C15orf61: variants seen among roughly 807,000 people sequenced by gnomAD.
C15orf61 encodes chromosome 15 open reading frame 61.
In C15orf61, 12 loss-of-function variants were observed where a neutral mutation model predicts 13.7. The observed-to-expected ratio is 0.88, with a 90% CI of 0.56 to 1.42. C15orf61 has a LOEUF of 1.42. Ranked by LOEUF, C15orf61 falls within the 40% of genes most tolerant of loss-of-function variation. The probability of loss-of-function intolerance (pLI) is 0.00; values close to 1 mark genes in which losing one functional copy is unlikely to be tolerated. For synonymous variants in C15orf61, 92 were observed against 94.1 expected (o/e 0.98, Z 0.13); for missense variants, 248 against 213.2 (o/e 1.16, Z -1.02).
rs1322774791 is a variant in C15orf61 at position 67,521,582 on chromosome 15, G to A, written c.334G>A (p.Val112Ile). The A allele has an allele frequency of 6.5e-7, 1 of 1,530,852 alleles. No homozygotes were observed. Among genetic ancestry groups the A allele is most frequent in the Non-Finnish European group, 8.8e-7 (1 of 1,133,992 alleles). 94.8% of individuals were successfully genotyped at this position (1,530,852 alleles called of 1,614,324 possible). ...RQNRFFTALK[V>I]VNLGIPTLLY... ...GAACCGCTTCTTCACGGCGCTCAAG[G>A]TCGTCAACCTCGGTGAGTGGCGACT... is the stretch of plus-strand genomic sequence containing the variant. Residue 112 changes from valine (V) to isoleucine (I), a missense_variant, in exon 1 of 2, where the codon GTC becomes ATC. Physicochemically the swap from Val to Ile is conservative, Grantham distance 29. Transcript: ENST00000342683.
rs1292928694 is a variant in C15orf61 at position 67,527,874 on chromosome 15, T to G, written c.*1329T>G. 2.0e-5 allele frequency: 3 copies of G among 152,232 alleles called. No homozygotes were observed. Among genetic ancestry groups the G allele is most frequent in the African/African-American group, 7.2e-5 (3 of 41,456 alleles). 9.4% of individuals were successfully genotyped at this position (152,232 alleles called of 1,614,324 possible). On this transcript the variant is annotated 3_prime_UTR_variant, in exon 2 of 2. Coordinates refer to ENST00000342683, the MANE Select transcript of C15orf61 (RefSeq NM_001143936.2). ...AACACTTTAATCAAAGAAGTACTTA[T>G]GCCAATATATTTAGTCCAGAAGAAT...
intron 1 of C15orf61, among the ~76,000 whole-genome samples, chr15:67,522,583 G>A (rs1379542506): frequency 6.6e-6 from 1 of 152,170 alleles, no homozygotes; most frequent in Non-Finnish European, 1.5e-5. Context: ...TAATTGTTTA[G>A]CAACGTGTTA....
chr15:67,522,355 C>A, intron 1 of C15orf61: 1 of 652,128 alleles, frequency 1.5e-6, no homozygotes, highest in Admixed American at 2.5e-5. Flanking sequence ...TTCAGTGATT[C>A]AAAATCTAGC....
At chr15:67,521,637 C>G in intron 1 of C15orf61, 43 bp downstream of exon 1, 1 of 1,423,184 alleles carries the variant, frequency 7.0e-7, no homozygotes, top group East Asian at 2.5e-5. Flanking sequence ...GCCCGCCCGG[C>G]CGGGACGGCC....
Position 67,521,612 on chromosome 15 carries a change from C to A in C15orf61, c.346+18C>A. 6.7e-7 allele frequency: 1 copy of A among 1,497,282 alleles called. No homozygotes were observed. Among genetic ancestry groups the A allele is most frequent in the Non-Finnish European group, 9.0e-7 (1 of 1,111,274 alleles). 92.7% of individuals were successfully genotyped at this position (1,497,282 alleles called of 1,614,324 possible). On this transcript the variant is annotated intron_variant, in intron 1 of 1. Coordinates refer to ENST00000342683, the MANE Select transcript of C15orf61 (RefSeq NM_001143936.2). ...CAACCTCGGTGAGTGGCGACTGCCG[C>A]GCCCACGCGGTGAAGCCCGCCCGGC...
In C15orf61 at chr15:67,528,130, A is replaced by C. The variant is rs1053467928; in HGVS notation, c.*1585A>C. On this transcript the variant is annotated 3_prime_UTR_variant, in exon 2 of 2. Coordinates refer to ENST00000342683, the MANE Select transcript of C15orf61 (RefSeq NM_001143936.2). ...GCTGTAAAGGTTTGGTCCCAACACA[A>C]GGCTGATAAAATGGTCTTTAATTAC... is the stretch of plus-strand genomic sequence containing the variant. 1.3e-5 allele frequency: 2 copies of C among 152,234 alleles called. No individual in the cohort carries two copies. The highest frequency in any genetic ancestry group is 4.8e-5 in the African/African-American group (2 of 41,460). 9.4% of individuals were successfully genotyped at this position (152,234 alleles called of 1,614,324 possible).
chr15:67,521,477 T>C lies in C15orf61; in HGVS notation c.229T>C (p.Tyr77His). The C allele has an allele frequency of 6.5e-7, 1 of 1,548,498 alleles. No individual in the cohort carries two copies. Among genetic ancestry groups the C allele is most frequent in the Non-Finnish European group, 8.7e-7 (1 of 1,146,712 alleles). The change falls in exon 1 of 2, where the codon TAC (tyrosine) becomes CAC (histidine). Residue 77 changes from tyrosine to histidine, a missense_variant. Physicochemically the swap from Tyr to His is moderately conservative, Grantham distance 83. Coordinates refer to ENST00000342683, the MANE Select transcript of C15orf61 (RefSeq NM_001143936.2). ...CAACTGGCCGGTGCAGGGCGCCAAC[T>C]ACCACGTCCTGCGCACCGGCTGCTT... is the stretch of plus-strand genomic sequence containing the variant. ...HFNWPVQGAN[Y>H]HVLRTGCFPF...
rs945063958 is a variant in C15orf61 at position 67,528,432 on chromosome 15, CTTGTA to C, written c.*1890_*1894del. On this transcript the variant is annotated 3_prime_UTR_variant, in exon 2 of 2. Transcript: ENST00000342683. Reference sequence around the variant, plus strand: ...GTATAACAAGTAAATGTAATATTTTCTTGTATTACATGAAAATCAATAGACCTCTT... The same window carrying C: ...GTATAACAAGTAAATGTAATATTTTCTTACATGAAAATCAATAGACCTCTT... 1 of 152,168 alleles carries C rather than the reference CTTGTA, an allele frequency of 6.6e-6. No individual in the cohort carries two copies. Among genetic ancestry groups the C allele is most frequent in the African/African-American group, 2.4e-5 (1 of 41,426 alleles). 9.4% of individuals were successfully genotyped at this position (152,168 alleles called of 1,614,324 possible). A position where few individuals can be genotyped will look rare whatever the true frequency, so the allele number is the denominator to read the frequency against.
At chr15:67,521,629 C>T (rs780293667) in intron 1 of C15orf61, 35 bp downstream of exon 1, 13 of 1,452,436 alleles carry the variant, frequency 9.0e-6, no homozygotes, top group East Asian at 5.0e-5. Context: ...GCGGTGAAGC[C>T]CGCCCGGCCG....
At position 67,527,378 on chromosome 15, in the gene C15orf61, C is replaced by T. The variant is rs2084204571; in HGVS notation, c.*833C>T. 6.6e-6 allele frequency: 1 copy of T among 152,086 alleles called. No homozygotes were observed. The highest frequency in any genetic ancestry group is 1.5e-5 in the Non-Finnish European group (1 of 67,998). 9.4% of individuals were successfully genotyped at this position (152,086 alleles called of 1,614,324 possible). A position where few individuals can be genotyped will look rare whatever the true frequency, so the allele number is the denominator to read the frequency against. ...CTGAAATTTTAAAGACCTAATGGCA[C>T]TTTTGCATTTGAATTTTATTAACTT... is the stretch of plus-strand genomic sequence containing the variant. On this transcript the variant is annotated 3_prime_UTR_variant, in exon 2 of 2. Transcript: ENST00000342683.
rs1176169883 is a variant in C15orf61 at position 67,527,761 on chromosome 15, C to T, written c.*1216C>T. On this transcript the variant is annotated 3_prime_UTR_variant, in exon 2 of 2. Coordinates refer to ENST00000342683, the MANE Select transcript of C15orf61 (RefSeq NM_001143936.2). Reference sequence around the variant, plus strand: ...ATAATGAAGTAATACAAACTAGCTTCGTTAAAGGTAGTCATTTTAAATGAT... The same window carrying T: ...ATAATGAAGTAATACAAACTAGCTTTGTTAAAGGTAGTCATTTTAAATGAT... 1 of 152,098 alleles carries T rather than the reference C, an allele frequency of 6.6e-6. No individual in the cohort carries two copies. The highest frequency in any genetic ancestry group is 6.6e-5 in the Admixed American group (1 of 15,260). The allele number at this position is 152,098 out of a possible 1,614,324, so 9.4% of individuals were successfully genotyped here. A position where few individuals can be genotyped will look rare whatever the true frequency, so the allele number is the denominator to read the frequency against.
rs1567253515 is a variant in C15orf61 at position 67,525,773 on chromosome 15, C to T, written c.347-645C>T. 1.3e-5 allele frequency among the ~76,000 whole-genome samples: 2 copies of T among 152,108 alleles called. No homozygotes were observed. The highest frequency in any genetic ancestry group is 2.9e-5 in the Non-Finnish European group (2 of 68,004). On this transcript the variant is annotated intron_variant, in intron 1 of 1. Coordinates refer to ENST00000342683, the MANE Select transcript of C15orf61 (RefSeq NM_001143936.2). The surrounding 1 kb of genome is among the most constrained non-coding windows in gnomAD (Gnocchi z 4.9). ...CTCACACCTGTAATCCCAGCACTTTCGGAGGCCTAGGCCCAGGATCACAAG... is the reference window on the plus strand; with the variant it reads ...CTCACACCTGTAATCCCAGCACTTTTGGAGGCCTAGGCCCAGGATCACAAG...
Position 67,529,967 on chromosome 15 carries a change from C to G in C15orf61, c.*3422C>G, listed in dbSNP as rs570419112. On this transcript the variant is annotated 3_prime_UTR_variant, in exon 2 of 2. Coordinates refer to ENST00000342683, the MANE Select transcript of C15orf61 (RefSeq NM_001143936.2). The surrounding 1 kb of genome is among the most constrained non-coding windows in gnomAD (Gnocchi z 4.4). ...CTAAAGCTAGTGGATTAAGTATCTA[C>G]TGTTACTCAAACAATAATGACATTT... 1 of 152,324 alleles carries G rather than the reference C, an allele frequency of 6.6e-6. No individual in the cohort carries two copies. The highest frequency in any genetic ancestry group is 2.1e-4 in the South Asian group (1 of 4,824). The allele number at this position is 152,324 out of a possible 1,614,324, so 9.4% of individuals were successfully genotyped here. A position where few individuals can be genotyped will look rare whatever the true frequency, so the allele number is the denominator to read the frequency against.
chr15:67,524,734 AC>A (rs2084188721), intron 1 of C15orf61, among the ~76,000 whole-genome samples: 1 of 152,212 alleles, frequency 6.6e-6, no homozygotes, highest in Non-Finnish European at 1.5e-5. Flanking sequence ...GGTTCAGCAA[AC>A]ACACTCAAAA....
chr15:67,524,910 C>T (rs2140928088), intron 1 of C15orf61, among the ~76,000 whole-genome samples: 1 of 141,608 alleles, frequency 7.1e-6, no homozygotes, highest in Admixed American at 7.3e-5. Context: ...GATCTCGGCT[C>T]AGTGCAACCT....
intron 1 of C15orf61, among the ~76,000 whole-genome samples, chr15:67,523,901 T>G (rs1309189103): frequency 6.6e-6 from 1 of 152,204 alleles, no homozygotes; most frequent in Non-Finnish European, 1.5e-5. Flanking sequence ...AGATCATAAC[T>G]CCATCTCCTG....
intron 1 of C15orf61, 179 bp downstream of exon 1, chr15:67,521,773 G>A (rs2084165710): frequency 1.4e-6 from 1 of 702,940 alleles, no homozygotes; most frequent in African/African-American, 1.8e-5. Flanking sequence ...TCCCCAGCTT[G>A]CTGAGCTCCT....
At chr15:67,523,560 A>G (rs1204351469) in intron 1 of C15orf61, among the ~76,000 whole-genome samples, 1 of 152,192 alleles carries the variant, frequency 6.6e-6, no homozygotes, top group Non-Finnish European at 1.5e-5. Flanking sequence ...GCAACTTACC[A>G]TTGGAATGAA....
At position 67,526,729 on chromosome 15, in the gene C15orf61, C is replaced by T. The variant is rs775914132; in HGVS notation, c.*184C>T. 4.7e-5 allele frequency: 22 copies of T among 464,624 alleles called. No individual in the cohort carries two copies. Among genetic ancestry groups the T allele is most frequent in the Non-Finnish European group, 7.5e-5 (21 of 280,222 alleles). The allele number at this position is 464,624 out of a possible 1,614,324, so 28.8% of individuals were successfully genotyped here. Reference sequence around the variant, plus strand: ...TTTATACATCGTTATATATTACATACTCTGTTTAGCTGATGTGAACTACAA... The same window carrying T: ...TTTATACATCGTTATATATTACATATTCTGTTTAGCTGATGTGAACTACAA... On this transcript the variant is annotated 3_prime_UTR_variant, in exon 2 of 2. Coordinates refer to ENST00000342683, the MANE Select transcript of C15orf61 (RefSeq NM_001143936.2).
Sources: gnomAD v4.1 joint callset for allele counts (sites outside exome capture counted in the v4.1 genomes callset) on GRCh38, gnomAD v4.1.1 for gene constraint, Gnocchi (gnomAD v3.1) non-coding constraint, MANE v1.5 for transcripts, NCBI Gene and HGNC (gene_info 2026-07-23, HGNC 2026-07-21) for gene names.